LHFPL1: variants seen among roughly 807,000 people sequenced by gnomAD.
LHFPL1 encodes the protein LHFPL tetraspan subfamily member 1 protein.
Under a neutral mutation model 12.1 loss-of-function variants are expected in LHFPL1, and 4 were observed. The ratio of observed to expected loss-of-function variants is 0.33; its 90% CI spans 0.16 to 0.76. The LOEUF (loss-of-function observed/expected upper bound fraction) is 0.76. Among genes scored for constraint, LHFPL1 ranks in the 30% least tolerant of loss-of-function variants. The pLI is 0.61. For synonymous variants in LHFPL1, 52 were observed against 61.9 expected (o/e 0.84, Z 0.75); for missense variants, 141 against 174.1 (o/e 0.81, Z 1.07).
In LHFPL1 at chrX:112,660,737, G is replaced by A. The variant is rs1363163880; in HGVS notation, c.383-12C>T. ...GCTTATCAGCAGCCCTAGAAAGAAA[G>A]CATACACACAGACAGAAAAAATATA... On this transcript the variant is annotated splice_polypyrimidine_tract_variant and intron_variant, in intron 2 of 3. Transcript: ENST00000371968. 9.0e-7 allele frequency: 1 copy of A among 1,110,276 alleles called. No homozygotes were observed. The highest frequency in any genetic ancestry group is 1.8e-5 in the African/African-American group (1 of 55,309). 91.5% of individuals were successfully genotyped at this position (1,110,276 alleles called of 1,213,427 possible).
At chrX:112,642,605 T>C (rs1174279079) in intron 3 of LHFPL1, among the ~76,000 whole-genome samples, 2 of 108,440 alleles carry the variant, frequency 1.8e-5, no homozygotes, top group African/African-American at 6.7e-5. Context: ...TTGAGCCTAC[T>C]AGGCCCTCTG....
At chrX:112,635,926 C>T (rs147140190) in intron 3 of LHFPL1, among the ~76,000 whole-genome samples, 1,322 of 111,756 alleles carry the variant, frequency 0.012, 11 homozygotes, top group Middle Eastern at 0.051. Context: ...AATCTGTCAT[C>T]TTTCCTACAA....
chrX:112,632,909 T>A (rs982755073), intron 3 of LHFPL1, among the ~76,000 whole-genome samples: 5 of 111,091 alleles, frequency 4.5e-5, no homozygotes, highest in South Asian at 3.8e-4. Flanking sequence ...GCCAGAAACA[T>A]CTTCTCTCCT....
At chrX:112,678,856 T>C (rs1453564108) in intron 1 of LHFPL1, among the ~76,000 whole-genome samples, 1 of 112,057 alleles carries the variant, frequency 8.9e-6, no homozygotes, top group African/African-American at 3.3e-5. Context: ...AGTCACAATT[T>C]TGGAATCAGA....
chrX:112,633,168 G>A (rs1180851824), intron 3 of LHFPL1, among the ~76,000 whole-genome samples: 1 of 111,869 alleles, frequency 8.9e-6, no homozygotes, highest in Non-Finnish European at 1.9e-5. Flanking sequence ...AGATGCATTT[G>A]TTTCTTTTCG....
At chrX:112,652,347 C>T (rs186575798) in intron 3 of LHFPL1, among the ~76,000 whole-genome samples, 561 of 111,836 alleles carry the variant, frequency 5.0e-3, no homozygotes, top group African/African-American at 0.017. Flanking sequence ...TTGGCAAGTC[C>T]TTTTCCAGGC....
intron 3 of LHFPL1, among the ~76,000 whole-genome samples, chrX:112,635,413 A>T (rs1930310816): frequency 8.9e-6 from 1 of 112,381 alleles, no homozygotes; most frequent in African/African-American, 3.2e-5. Flanking sequence ...CTCAAAGTTC[A>T]TGATTATCCA....
At chrX:112,649,580 A>G (rs913107073) in intron 3 of LHFPL1, among the ~76,000 whole-genome samples, 6 of 111,901 alleles carry the variant, frequency 5.4e-5, no homozygotes, top group African/African-American at 1.9e-4. Flanking sequence ...TATATCTTCC[A>G]ATATTCCCCT....
At chrX:112,663,121 G>A in intron 2 of LHFPL1, among the ~76,000 whole-genome samples, 1 of 111,181 alleles carries the variant, frequency 9.0e-6, no homozygotes, top group African/African-American at 3.3e-5. Flanking sequence ...CCATACTGAG[G>A]AGCCCAGGTC....
intron 3 of LHFPL1, among the ~76,000 whole-genome samples, chrX:112,637,696 C>A (rs1930384641): frequency 8.9e-6 from 1 of 112,300 alleles, no homozygotes; most frequent in African/African-American, 3.2e-5. Context: ...TTCAGAGAAT[C>A]ATCTGATGAA....
intron 3 of LHFPL1, among the ~76,000 whole-genome samples, chrX:112,639,240 G>A (rs1246564341): frequency 2.0e-5 from 2 of 102,388 alleles, no homozygotes; most frequent in Admixed American, 2.2e-4. Context: ...CAAGCTGGGC[G>A]TGAGTGTCAA....
intron 2 of LHFPL1, among the ~76,000 whole-genome samples, chrX:112,668,878 GT>G (rs1931411530): frequency 8.9e-6 from 1 of 112,289 alleles, no homozygotes; most frequent in African/African-American, 3.2e-5. Flanking sequence ...ACTTTAATGT[GT>G]GGAATCTGAT....
intron 2 of LHFPL1, among the ~76,000 whole-genome samples, chrX:112,661,352 G>A (rs1458330898): frequency 9.0e-6 from 1 of 111,646 alleles, no homozygotes; most frequent in Non-Finnish European, 1.9e-5. Flanking sequence ...GGGAAATTTT[G>A]TTGTACCTTA....
chrX:112,641,332 G>T (rs377027362), intron 3 of LHFPL1, among the ~76,000 whole-genome samples: 50 of 111,814 alleles, frequency 4.5e-4, no homozygotes, highest in African/African-American at 1.5e-3. Context: ...CCAGAGGCAG[G>T]AATTATTATA....
rs778545752 is a variant in LHFPL1, at chrX:112,660,223, G to A, written c.481+404C>T. Among the ~76,000 whole-genome samples the A allele has an allele frequency of 2.5e-4, 28 of 112,099 alleles. 1 individual carries two copies. The highest frequency in any genetic ancestry group is 4.9e-4 in the Non-Finnish European group (26 of 53,261). On this transcript the variant is annotated intron_variant, in intron 3 of 3. Transcript: ENST00000371968. ...TTTATCTAGGTTCCTCATGCTTCAG[G>A]TAAACTAAATAACCTCGTGTTACAT...
intron 3 of LHFPL1, among the ~76,000 whole-genome samples, chrX:112,647,029 A>G (rs966468509): frequency 4.5e-5 from 5 of 111,817 alleles, no homozygotes; most frequent in African/African-American, 1.3e-4. Context: ...TAAAAATGGC[A>G]TATTACTGTC....
At chrX:112,641,849 A>G (rs772355614) in intron 3 of LHFPL1, among the ~76,000 whole-genome samples, 2 of 111,893 alleles carry the variant, frequency 1.8e-5, no homozygotes, top group South Asian at 3.8e-4. Context: ...ACTGGATAGG[A>G]CCATATCATT....
intron 2 of LHFPL1, among the ~76,000 whole-genome samples, chrX:112,665,483 G>T (rs573943560): frequency 2.7e-5 from 3 of 111,836 alleles, no homozygotes; most frequent in African/African-American, 6.5e-5. Flanking sequence ...GAGCCACCGC[G>T]CCAGGCCTGA....
intron 1 of LHFPL1, among the ~76,000 whole-genome samples, chrX:112,673,624 A>C (rs73536907): frequency 0.051 from 5,690 of 111,531 alleles, 371 homozygotes; most frequent in African/African-American, 0.18. Flanking sequence ...TGCTCTGCCC[A>C]ACGGTCTTCT....
Sources: allele counts gnomAD v4.1 joint callset (sites outside exome capture counted in the v4.1 genomes callset), GRCh38; gene constraint gnomAD v4.1.1; transcripts MANE v1.5; gene names NCBI Gene and HGNC (gene_info 2026-07-23, HGNC 2026-07-21).